The following PRAG1 variants were observed in gnomAD, a reference collection of about 807,000 sequenced individuals.
The protein encoded by PRAG1 is PEAK1 related, kinase-activating pseudokinase 1.
PRAG1 carries 110 observed loss-of-function variants against 95.6 expected under a neutral mutation model. The observed-to-expected ratio is 1.15, with a 90% confidence interval of 0.99 to 1.35. The LOEUF (loss-of-function observed/expected upper bound fraction) is 1.35, where lower values mean the gene tolerates loss of function less well. Ranked by LOEUF, PRAG1 falls within the 40% of genes most tolerant of loss-of-function variation. The pLI is 0.00. For synonymous variants in PRAG1, 1,052 were observed against 819.4 expected, an observed-to-expected ratio of 1.28 and a Z score of -4.85; for missense variants, 2,554 against 1,864.7, an observed-to-expected ratio of 1.37 and a Z score of -6.81.
intron 3 of PRAG1, among the ~76,000 whole-genome samples, chr8:8,354,670 G>A (rs527597221): frequency 1.3e-5 from 2 of 152,228 alleles, no homozygotes; most frequent in South Asian, 4.1e-4. Flanking sequence ...CAGAATGAAA[G>A]ATAGAAACCA....
chr8:8,371,489 G>T (rs944846030), intron 3 of PRAG1, among the ~76,000 whole-genome samples: 1 of 151,984 alleles, frequency 6.6e-6, no homozygotes, highest in African/African-American at 2.4e-5. Flanking sequence ...TCGATCTCCT[G>T]ACCTCGTGAT....
At position 8,327,950 on chromosome 8, in the gene PRAG1, G is replaced by A. The variant is rs994679369; in HGVS notation, c.2832C>T (p.Asn944=). The A allele has an allele frequency of 6.2e-7, 1 of 1,612,132 alleles. No homozygotes were observed. The highest frequency in any genetic ancestry group is 8.5e-7 in the Non-Finnish European group (1 of 1,178,748). Residue 944 remains asparagine, a synonymous_variant, in exon 5 of 6, where the codon AAC becomes AAT. Transcript: ENST00000615670. ...CATAGGTGCCCTCCTTGCTGCTGAT[G>A]TTGCTCAGGAGACCGTGCAGCTGAA... ...TQLQLHGLLS[N]ISSKEGTYAK... is the part of the protein sequence containing the mutation.
intron 3 of PRAG1, among the ~76,000 whole-genome samples, chr8:8,341,038 T>C (rs994845555): frequency 1.3e-5 from 2 of 152,216 alleles, no homozygotes; most frequent in African/African-American, 2.4e-5. Context: ...CTATCACTAA[T>C]AGTTTTCTCC....
At chr8:8,363,409 C>G (rs1423249784) in intron 3 of PRAG1, among the ~76,000 whole-genome samples, 1 of 152,114 alleles carries the variant, frequency 6.6e-6, no homozygotes, top group Non-Finnish European at 1.5e-5. Flanking sequence ...AATTCTGACA[C>G]ATGCTACAAG....
chr8:8,383,182 G>T (rs1800740647), intron 1 of PRAG1, among the ~76,000 whole-genome samples: 1 of 152,198 alleles, frequency 6.6e-6, no homozygotes, highest in Non-Finnish European at 1.5e-5. Flanking sequence ...CAGAGTGTTT[G>T]TGGGAAGTGC....
chr8:8,376,477 CTCCTCTTCT>C lies in PRAG1; in HGVS notation c.1923_1931del (p.Glu642_Glu644del), dbSNP rs1240744471. 27 of 1,613,680 alleles carry C rather than the reference CTCCTCTTCT, an allele frequency of 1.7e-5. No individual in the cohort carries two copies. The highest frequency in any genetic ancestry group is 2.3e-5 in the Non-Finnish European group (27 of 1,179,800). ...TGTGACTCAGCAATTCCTGCTCCAC[CTCCTCTTCT>C]TCCTCTATCCGGCACTGACGACTCC... On this transcript the variant is annotated inframe_deletion, in exon 3 of 6. Transcript: ENST00000615670.
chr8:8,361,237 G>C (rs1472738091), intron 3 of PRAG1, among the ~76,000 whole-genome samples: 1 of 152,142 alleles, frequency 6.6e-6, no homozygotes, highest in Non-Finnish European at 1.5e-5. Context: ...GGGAGGAAAG[G>C]GAAGATTCTG....
At position 8,345,658 on chromosome 8, in the gene PRAG1, G is replaced by A. The variant is rs1264651448; in HGVS notation, c.2163-6023C>T. Among the ~76,000 whole-genome samples, 9 of 152,194 alleles carry A rather than the reference G, an allele frequency of 5.9e-5. No homozygotes were observed. In the South Asian group the frequency reaches 1.7e-3, roughly 28 times the overall value. ...ACAAACCAAAAAATTAGCCAAGCAC[G>A]GTGGTGTATGCCTGTAGTCCCAGCT... On this transcript the variant is annotated intron_variant, in intron 3 of 5. Transcript: ENST00000615670.
chr8:8,379,515 A>C (rs866990287), intron 2 of PRAG1, among the ~76,000 whole-genome samples: 5 of 152,292 alleles, frequency 3.3e-5, no homozygotes, highest in Middle Eastern at 6.8e-3. Flanking sequence ...TTAGGAAAAA[A>C]CAGAGCAGCC....
rs774649687 is a variant in PRAG1, at chr8:8,376,861, C to G, written c.1548G>C (p.Glu516Asp). Residue 516 changes from glutamate to aspartate, a missense_variant, in exon 3 of 6, where the codon GAG (glutamate) becomes GAC (aspartate). Glu to Asp is a conservative substitution (Grantham distance 45, BLOSUM62 2). Transcript: ENST00000615670. ...AGCTCAGCCCCTGCCCAGCCGAAGT[C>G]TCCTCTTCACCTACCTCGGAGTTCT... ...VSQNSEVGEEETSAGQGLSSR... is the reference protein window; with the variant it reads ...VSQNSEVGEEDTSAGQGLSSR... 6.2e-7 allele frequency: 1 copy of G among 1,613,168 alleles called. No homozygotes were observed. The highest frequency in any genetic ancestry group is 1.3e-5 in the African/African-American group (1 of 75,062).
At chr8:8,382,687 G>A (rs1800722418) in intron 1 of PRAG1, among the ~76,000 whole-genome samples, 1 of 152,218 alleles carries the variant, frequency 6.6e-6, no homozygotes, top group Non-Finnish European at 1.5e-5. Context: ...GAGTAAAACT[G>A]CAAGTAACAG....
intron 3 of PRAG1, among the ~76,000 whole-genome samples, chr8:8,342,058 G>T (rs188338375): frequency 2.4e-3 from 368 of 152,212 alleles, no homozygotes; most frequent in Admixed American, 4.6e-3. Flanking sequence ...TTGAACCAAG[G>T]AGGCGGAGGT....
intron 4 of PRAG1, among the ~76,000 whole-genome samples, chr8:8,337,767 G>C (rs549713594): frequency 9.9e-5 from 15 of 152,218 alleles, no homozygotes; most frequent in African/African-American, 3.4e-4. Flanking sequence ...CGTCTGAATA[G>C]GTTTCCCCGT....
At chr8:8,339,076 G>A (rs1315380151) in intron 4 of PRAG1, among the ~76,000 whole-genome samples, 4 of 151,984 alleles carry the variant, frequency 2.6e-5, no homozygotes, top group Non-Finnish European at 5.9e-5. Context: ...GTACATGTGG[G>A]TACATGCACA....
chr8:8,320,815 C>T (rs1020840746), intron 5 of PRAG1, among the ~76,000 whole-genome samples: 1 of 152,316 alleles, frequency 6.6e-6, no homozygotes, highest in Non-Finnish European at 1.5e-5. Context: ...CTGCAAGCAC[C>T]TTTTCACGGA....
At chr8:8,378,687 C>A (rs915142810) in intron 2 of PRAG1, among the ~76,000 whole-genome samples, 1 of 151,864 alleles carries the variant, frequency 6.6e-6, no homozygotes, top group Non-Finnish European at 1.5e-5. Context: ...TGGCCAAATC[C>A]CATCTCTACA....
Position 8,328,159 on chromosome 8 carries a change from C to T in PRAG1, c.2623G>A (p.Val875Ile), listed in dbSNP as rs943217810. Residue 875 changes from valine to isoleucine, a missense_variant, in exon 5 of 6, where the codon GTC becomes ATC. Transcript: ENST00000615670. ...TCCAGAGGATCGGAAGAGGAGAAGA[C>T]AGGATGGTGGCGGTTCCCGGGGCTC... The part of the protein sequence containing the change: ...SLSPGNRHHP[V>I]FSSSDPLEKA... 5 of 1,614,108 alleles carry T rather than the reference C, an allele frequency of 3.1e-6. No homozygotes were observed. The African/African-American group carries it at 6.7e-5, about 22-fold the overall frequency.
At chr8:8,359,962 C>G in intron 3 of PRAG1, among the ~76,000 whole-genome samples, 1 of 152,070 alleles carries the variant, frequency 6.6e-6, no homozygotes, top group East Asian at 1.9e-4. Context: ...AAATTTTTGC[C>G]TTAAATCCTT....
rs1799099271 is a variant in PRAG1 at position 8,339,522 on chromosome 8, G to A, written c.2276C>T (p.Ser759Phe). The A allele has an allele frequency of 6.2e-7, 1 of 1,614,068 alleles. No individual in the cohort carries two copies. The highest frequency in any genetic ancestry group is 8.5e-7 in the Non-Finnish European group (1 of 1,180,050). Residue 759 changes from serine (S) to phenylalanine (F), a missense_variant, in exon 4 of 6, where the codon TCC becomes TTC. Transcript: ENST00000615670. ...RGVHVSFTTGSTDSLASDSRT... is the reference protein window; with the variant it reads ...RGVHVSFTTGFTDSLASDSRT... ...AGAGTCTGAGGCCAGGCTGTCCGTG[G>A]AGCCGGTGGTGAAGCTGACGTGGAC...
Sources: allele counts gnomAD v4.1 joint callset (sites outside exome capture counted in the v4.1 genomes callset), GRCh38; gene constraint gnomAD v4.1.1; transcripts MANE v1.5; gene names NCBI Gene and HGNC (gene_info 2026-07-23, HGNC 2026-07-21).